The following IGSF3 variants were observed in gnomAD, a reference collection of about 807,000 sequenced individuals.
IGSF3 encodes glu-Trp-Ile EWI motif-containing protein 3.
IGSF3 carries 23 observed loss-of-function variants against 114.4 expected under a neutral mutation model. The ratio of observed to expected loss-of-function variants is 0.20; its 90% CI spans 0.14 to 0.28. IGSF3 has a LOEUF of 0.28. Ranked by LOEUF, IGSF3 falls within the 10% of genes least tolerant of loss-of-function variation. The probability of loss-of-function intolerance (pLI) is 1.00; values close to 1 mark genes in which losing one functional copy is unlikely to be tolerated. For missense variants in IGSF3, 1,172 were observed against 1,591.5 expected (o/e 0.74, Z 4.48); for synonymous variants, 571 against 645.2 (o/e 0.88, Z 1.74).
chr1:116,620,004 T>C (rs1294400661), intron 2 of IGSF3, among the ~76,000 whole-genome samples: 1 of 152,040 alleles, frequency 6.6e-6, no homozygotes, highest in Non-Finnish European at 1.5e-5. Flanking sequence ...ACCAGTTTTA[T>C]AACTAGAAAA....
chr1:116,609,359 A>G (rs1185247481), intron 4 of IGSF3, among the ~76,000 whole-genome samples: 4 of 151,586 alleles, frequency 2.6e-5, no homozygotes, highest in African/African-American at 9.7e-5. Flanking sequence ...CCATCCTCCC[A>G]CCTCAGCCTC....
At position 116,608,181 on chromosome 1, in the gene IGSF3, A is replaced by G; in HGVS notation, c.983T>C (p.Met328Thr). ...WAFNSSLIAT[M>T]GPNAVPVLNS... ...GAGGACAGGCACAGCGTTAGGACCCATGGTGGCGATGAGCGAGCTGTTGAA... is the reference window on the plus strand; with the variant it reads ...GAGGACAGGCACAGCGTTAGGACCCGTGGTGGCGATGAGCGAGCTGTTGAA... Residue 328 changes from methionine to threonine, a missense_variant, in exon 5 of 11, where the codon ATG (methionine) becomes ACG (threonine). Transcript: ENST00000369486. 1 of 1,612,170 alleles carries G rather than the reference A, an allele frequency of 6.2e-7. No individual in the cohort carries two copies. The highest frequency in any genetic ancestry group is 8.5e-7 in the Non-Finnish European group (1 of 1,178,342).
In IGSF3 at chr1:116,588,415, T is replaced by C. The variant is rs1485589919; in HGVS notation, c.2440+279A>G. ...CTGCCATGAACCCTGCCTTGCCACA[T>C]TTTGCTAACCACAGCTGCCCTGCTC... On this transcript the variant is annotated intron_variant, in intron 8 of 10. Transcript: ENST00000369486. This position sits in a 1 kb window ranked among gnomAD's most constrained non-coding sequence, Gnocchi z 4.9. Among the ~76,000 whole-genome samples the C allele has an allele frequency of 6.6e-6, 1 of 152,106 alleles. No homozygotes were observed. The highest frequency in any genetic ancestry group is 1.5e-5 in the Non-Finnish European group (1 of 68,002).
intron 2 of IGSF3, among the ~76,000 whole-genome samples, chr1:116,656,138 G>A (rs564206139): frequency 3.9e-5 from 6 of 151,926 alleles, no homozygotes; most frequent in East Asian, 1.9e-4. Flanking sequence ...AATATGTTCC[G>A]CATGATTCCA....
In IGSF3 at chr1:116,615,205, T is replaced by C. The variant is rs1347132136; in HGVS notation, c.421+875A>G. Among the ~76,000 whole-genome samples the C allele has an allele frequency of 5.3e-5, 8 of 150,464 alleles. No individual in the cohort carries two copies. The highest frequency in any genetic ancestry group is 3.5e-3 in the Middle Eastern group (1 of 288). ...AGAAGAATTGCTTGAACCCGGGAGG[T>C]GGAGGTTGCAGTGAGCCAAGATCGC... On this transcript the variant is annotated intron_variant, in intron 3 of 10. Coordinates refer to ENST00000369486, the MANE Select transcript of IGSF3 (RefSeq NM_001007237.3). The surrounding 1 kb of genome is among the most constrained non-coding windows in gnomAD (Gnocchi z 4.3).
intron 2 of IGSF3, among the ~76,000 whole-genome samples, chr1:116,623,946 G>A (rs1661495158): frequency 6.6e-6 from 1 of 150,842 alleles, no homozygotes; most frequent in South Asian, 2.1e-4. Context: ...ATTTAGCCCA[G>A]CATGGTGATG....
In IGSF3 at chr1:116,592,226, C is replaced by T. The variant is rs1307282437; in HGVS notation, c.2030-3122G>A. On this transcript the variant is annotated intron_variant, in intron 7 of 10. Coordinates refer to ENST00000369486, the MANE Select transcript of IGSF3 (RefSeq NM_001007237.3). The surrounding 1 kb of genome is among the most constrained non-coding windows in gnomAD (Gnocchi z 4.5). ...CACAAGTAGCTTCAAGCCTGAGAAACCCTGGACTTGGCCGTGTGAGTGAAT... is the reference window on the plus strand; with the variant it reads ...CACAAGTAGCTTCAAGCCTGAGAAATCCTGGACTTGGCCGTGTGAGTGAAT... Among the ~76,000 whole-genome samples the T allele has an allele frequency of 6.6e-6, 1 of 152,192 alleles. No homozygotes were observed. The highest frequency in any genetic ancestry group is 1.5e-5 in the Non-Finnish European group (1 of 68,036).
intron 5 of IGSF3, chr1:116,606,378 A>C: frequency 2.8e-6 from 4 of 1,430,264 alleles, no homozygotes; most frequent in Non-Finnish European, 3.8e-6. Context: ...GGGAGCGGAG[A>C]AGGAGATGAT....
rs1055578521 is a variant in IGSF3 at position 116,648,341 on chromosome 1, T to A, written c.43+17943A>T. Among the ~76,000 whole-genome samples, 7 of 152,108 alleles carry A rather than the reference T, an allele frequency of 4.6e-5. No individual in the cohort carries two copies. Among genetic ancestry groups the A allele is most frequent in the Non-Finnish European group, 4.4e-5 (3 of 68,014 alleles). ...AGTCTGAAGGGTTTTCCTCTGGGTATTAGGAGTTGAGGTGTTCGGTTAGAG... is the reference window on the plus strand; with the variant it reads ...AGTCTGAAGGGTTTTCCTCTGGGTAATAGGAGTTGAGGTGTTCGGTTAGAG... On this transcript the variant is annotated intron_variant, in intron 2 of 10. Coordinates refer to ENST00000369486, the MANE Select transcript of IGSF3 (RefSeq NM_001007237.3). This position sits in a 1 kb window ranked among gnomAD's most constrained non-coding sequence, Gnocchi z 4.7.
chr1:116,597,868 G>A (rs1660407563), intron 7 of IGSF3, among the ~76,000 whole-genome samples: 1 of 152,154 alleles, frequency 6.6e-6, no homozygotes. Context: ...CAACCACTTT[G>A]AGCCTTGGTT....
Position 116,647,706 on chromosome 1 carries a change from C to G in IGSF3, c.43+18578G>C, listed in dbSNP as rs1648459119. Among the ~76,000 whole-genome samples the G allele has an allele frequency of 6.6e-6, 1 of 152,194 alleles. No individual in the cohort carries two copies. Among genetic ancestry groups the G allele is most frequent in the South Asian group, 2.1e-4 (1 of 4,832 alleles). The stretch of plus-strand genomic sequence containing the variant: ...CGGACAGAGGCAAGGATGACCGGAA[C>G]AAGACAAACAAACGAAAGGCCGACT... On this transcript the variant is annotated intron_variant, in intron 2 of 10. Transcript: ENST00000369486. This position sits in a 1 kb window ranked among gnomAD's most constrained non-coding sequence, Gnocchi z 4.6.
Position 116,577,698 on chromosome 1 carries a change from A to G in IGSF3, c.3335-136T>C, listed in dbSNP as rs374823385. On this transcript the variant is annotated intron_variant, in intron 10 of 10. Transcript: ENST00000369486. The surrounding 1 kb of genome is among the most constrained non-coding windows in gnomAD (Gnocchi z 5.7). ...CACACCACCTTGTCTTTCCCCTGCT[A>G]CCATTAATGGTGGAAGATGACCCTT... 70 of 731,792 alleles carry G rather than the reference A, an allele frequency of 9.6e-5. No individual in the cohort carries two copies. The highest frequency in any genetic ancestry group is 8.1e-4 in the East Asian group (32 of 39,612). The allele number at this position is 731,792 out of a possible 1,614,324, so 45.3% of individuals were successfully genotyped here. A position where few individuals can be genotyped will look rare whatever the true frequency, so the allele number is the denominator to read the frequency against.
chr1:116,602,479 C>T (rs1275718015), intron 6 of IGSF3, among the ~76,000 whole-genome samples: 3 of 152,096 alleles, frequency 2.0e-5, no homozygotes, highest in Non-Finnish European at 2.9e-5. Context: ...TCAGGAAACG[C>T]AATCACTGGA....
In IGSF3 at chr1:116,584,549, AATTT is replaced by A. The variant is rs1659732307; in HGVS notation, c.2848+92_2848+95del. 1 of 1,220,378 alleles carries A rather than the reference AATTT, an allele frequency of 8.2e-7. No individual in the cohort carries two copies. Among genetic ancestry groups the A allele is most frequent in the African/African-American group, 1.5e-5 (1 of 66,448 alleles). The allele number at this position is 1,220,378 out of a possible 1,614,324, so 75.6% of individuals were successfully genotyped here. On this transcript the variant is annotated intron_variant, in intron 9 of 10. Transcript: ENST00000369486. This position sits in a 1 kb window ranked among gnomAD's most constrained non-coding sequence, Gnocchi z 5.8. ...GACACTCATATATTTAACTGCAAATAATTTATTAATAAACTAATTTTATCCAGTG... is the reference window on the plus strand; with the variant it reads ...GACACTCATATATTTAACTGCAAATAATTAATAAACTAATTTTATCCAGTG...
chr1:116,630,011 G>A (rs1014171098), intron 2 of IGSF3, among the ~76,000 whole-genome samples: 1 of 152,200 alleles, frequency 6.6e-6, no homozygotes, highest in African/African-American at 2.4e-5. Context: ...AGAAGTTTAG[G>A]CATTAACATG....
In IGSF3 at chr1:116,644,914, ATGGC is replaced by A. The variant is rs1648293090; in HGVS notation, c.43+21366_43+21369del. Reference sequence around the variant, plus strand: ...CAAAAGTACCCGGTCCCCTTCATACATGGCTGGTGGGGAGGTAGGATGGTGCAGC... The same window carrying A: ...CAAAAGTACCCGGTCCCCTTCATACATGGTGGGGAGGTAGGATGGTGCAGC... On this transcript the variant is annotated intron_variant, in intron 2 of 10. Transcript: ENST00000369486. This position sits in a 1 kb window ranked among gnomAD's most constrained non-coding sequence, Gnocchi z 5.6. Among the ~76,000 whole-genome samples, 1 of 152,206 alleles carries A rather than the reference ATGGC, an allele frequency of 6.6e-6. No homozygotes were observed. Among genetic ancestry groups the A allele is most frequent in the African/African-American group, 2.4e-5 (1 of 41,446 alleles).
chr1:116,590,384 C>CA (rs965670040), intron 7 of IGSF3, among the ~76,000 whole-genome samples: 1 of 149,922 alleles, frequency 6.7e-6, no homozygotes, highest in Non-Finnish European at 1.5e-5. Context: ...AAAAAAAAAA[C>CA]AAAAAAACAA....
intron 2 of IGSF3, among the ~76,000 whole-genome samples, chr1:116,620,677 A>T (rs951908312): frequency 2.0e-5 from 3 of 152,208 alleles, no homozygotes; most frequent in African/African-American, 7.2e-5. Flanking sequence ...CTAGCATGTG[A>T]CTGGAAGTAG....
chr1:116,666,981 T>C, intron 1 of IGSF3, 25 bp from the exon 2 acceptor site: 1 of 400,030 alleles, frequency 2.5e-6, no homozygotes, highest in African/African-American at 2.1e-5. Context: ...ACAGAGATTT[T>C]TATCAAAGGC....
Sources: allele counts gnomAD v4.1 joint callset (sites outside exome capture counted in the v4.1 genomes callset), GRCh38; gene constraint gnomAD v4.1.1; non-coding constraint Gnocchi (gnomAD v3.1); transcripts MANE v1.5; gene names NCBI Gene and HGNC (gene_info 2026-07-23, HGNC 2026-07-21).